The following SPATC1 variants were observed in gnomAD, a reference collection of about 807,000 sequenced individuals.
SPATC1 encodes speriolin.
SPATC1 carries 35 observed loss-of-function variants against 36.5 expected under a neutral mutation model. The ratio of observed to expected loss-of-function variants is 0.96; its 90% CI spans 0.73 to 1.27. SPATC1 has a LOEUF of 1.27. SPATC1 is among the 50% of genes most tolerant of loss of function. SPATC1 has a pLI of 0.00. For synonymous variants in SPATC1, 361 were observed against 353.6 expected (o/e 1.02, Z -0.24); for missense variants, 779 against 796.0 (o/e 0.98, Z 0.26).
intron 1 of SPATC1, among the ~76,000 whole-genome samples, chr8:144,023,251 T>C (rs1834587086): frequency 2.8e-3 from 2 of 712 alleles, no homozygotes; most frequent in Non-Finnish European, 2.6e-3. Flanking sequence ...CAGGACCTCT[T>C]CCCTGAGAAC....
intron 1 of SPATC1, among the ~76,000 whole-genome samples, chr8:144,035,357 G>A (rs1257624599): frequency 2.0e-5 from 3 of 152,192 alleles, no homozygotes; most frequent in African/African-American, 4.8e-5. Context: ...CCCAGCTCAC[G>A]GCAGCCACAC....
chr8:144,019,609 T>G (rs1157097230), intron 1 of SPATC1, among the ~76,000 whole-genome samples: 1 of 152,016 alleles, frequency 6.6e-6, no homozygotes, highest in African/African-American at 2.4e-5. Flanking sequence ...ATAGGGCTGT[T>G]GGAGTAGCTG....
intron 1 of SPATC1, among the ~76,000 whole-genome samples, chr8:144,038,810 T>G (rs1283726631): frequency 6.6e-6 from 1 of 152,180 alleles, no homozygotes; most frequent in East Asian, 1.9e-4. Flanking sequence ...TTTGTTGCCA[T>G]ACACCCTCCC....
At chr8:144,042,311 ATT>A (rs1184651892) in intron 4 of SPATC1, among the ~76,000 whole-genome samples, 548 of 23,614 alleles carry the variant, frequency 0.023, 2 homozygotes, top group Middle Eastern at 0.067. Context: ...ATATATATAT[ATT>A]TTTTTTTTTT....
At chr8:144,037,617 T>C (rs1554755022) in intron 1 of SPATC1, among the ~76,000 whole-genome samples, 1 of 151,918 alleles carries the variant, frequency 6.6e-6, no homozygotes, top group Non-Finnish European at 1.5e-5. Flanking sequence ...AGCATGCTCG[T>C]TAAGAGTCAT....
chr8:144,036,404 A>G (rs1834899175), intron 1 of SPATC1, among the ~76,000 whole-genome samples: 1 of 152,102 alleles, frequency 6.6e-6, no homozygotes, highest in East Asian at 1.9e-4. Flanking sequence ...GGCTCACCAC[A>G]GCCCCAACCT....
intron 4 of SPATC1, 67 bp downstream of exon 4, chr8:144,041,438 C>T (rs1453700695): frequency 8.3e-6 from 13 of 1,566,464 alleles, no homozygotes; most frequent in Non-Finnish European, 1.0e-5. Flanking sequence ...GGGGACCCTG[C>T]ACTCTGGCCA....
intron 4 of SPATC1, among the ~76,000 whole-genome samples, chr8:144,043,364 C>A (rs1835168792): frequency 6.6e-6 from 1 of 151,782 alleles, no homozygotes; most frequent in African/African-American, 2.4e-5. Context: ...TCACTGCAAC[C>A]TCCGTCTCCC....
chr8:144,039,956 G>C lies in SPATC1; in HGVS notation c.259G>C (p.Glu87Gln), dbSNP rs199507567. The C allele has an allele frequency of 6.2e-7, 1 of 1,613,876 alleles. No individual in the cohort carries two copies. The highest frequency in any genetic ancestry group is 1.1e-5 in the South Asian group (1 of 91,076). ...AGCAGTGGCAAACGAACGAGTCCTC[G>C]AAGAAGTGGGGATCATGGCCTTGGC... ...SPAVANERVL[E>Q]EVGIMALAPL... Residue 87 changes from glutamate to glutamine, a missense_variant, in exon 2 of 5, where the codon GAA becomes CAA. Transcript: ENST00000377470.
chr8:144,040,530 T>TC (rs1385891289), intron 2 of SPATC1, 38 bp from the exon 3 acceptor site: 6 of 1,561,186 alleles, frequency 3.8e-6, no homozygotes, highest in Non-Finnish European at 5.2e-6. Flanking sequence ...CTCACTCTAA[T>TC]CCCCCTTTTT....
chr8:144,021,429 ACCCTCTCCCCTCAAGACTGC>A (rs1834532432), intron 1 of SPATC1, among the ~76,000 whole-genome samples: 1 of 126,738 alleles, frequency 7.9e-6, no homozygotes, highest in Non-Finnish European at 1.7e-5. Flanking sequence ...CCACCTTAGA[ACCCTCTCCCCTCAAGACTGC>A]CTTCTCTCAG....
At chr8:144,027,543 C>CTAAGAGTTTTTAT (rs1834710288) in intron 1 of SPATC1, among the ~76,000 whole-genome samples, 4 of 152,156 alleles carry the variant, frequency 2.6e-5, no homozygotes, top group African/African-American at 9.7e-5. Flanking sequence ...TGCAGATTCA[C>CTAAGAGTTTTTAT]CCCAAGTTTT....
rs1554755722 is a variant in SPATC1 at position 144,040,624 on chromosome 8, G to A, written c.823G>A (p.Ala275Thr). The change falls in exon 3 of 5, where the codon GCG becomes ACG. Residue 275 changes from alanine (A) to threonine (T), a missense_variant. Ala to Thr is a moderately conservative substitution (Grantham distance 58). Transcript: ENST00000377470. ...CCAGGACCCAGAGCCTCTCAGCATGGCGTTTGCAGGAGCACCCCTCCAGAC... is the reference window on the plus strand; with the variant it reads ...CCAGGACCCAGAGCCTCTCAGCATGACGTTTGCAGGAGCACCCCTCCAGAC... ...STQDPEPLSMAFAGAPLQTST... is the reference protein window; with the variant it reads ...STQDPEPLSMTFAGAPLQTST... 6.2e-7 allele frequency: 1 copy of A among 1,611,948 alleles called. No homozygotes were observed. The highest frequency in any genetic ancestry group is 8.5e-7 in the Non-Finnish European group (1 of 1,179,090).
At chr8:144,015,297 C>T (rs913358740) in intron 1 of SPATC1, among the ~76,000 whole-genome samples, 16 of 151,628 alleles carry the variant, frequency 1.1e-4, no homozygotes, top group African/African-American at 2.9e-4. Flanking sequence ...GTAATCTGTC[C>T]GCCTCAGCCT....
At chr8:144,014,275 A>AAG (rs149864099) in intron 1 of SPATC1, among the ~76,000 whole-genome samples, 5,598 of 149,430 alleles carry the variant, frequency 0.037, 368 homozygotes, top group African/African-American at 0.13. Flanking sequence ...GAAAGAAAGA[A>AAG]AGAGAGAGAG....
intron 1 of SPATC1, among the ~76,000 whole-genome samples, chr8:144,039,570 GGAAAGGGCA>G (rs1554755308): frequency 6.6e-6 from 1 of 152,230 alleles, no homozygotes; most frequent in African/African-American, 2.4e-5. Flanking sequence ...GCACGGTTGA[GGAAAGGGCA>G]GCGGGACGTC....
Position 144,040,009 on chromosome 8 carries a change from G to A in SPATC1, c.312G>A (p.Leu104=), listed in dbSNP as rs1554755397. The change falls in exon 2 of 5, where the codon TTG becomes TTA. Residue 104 remains leucine, a synonymous_variant. Transcript: ENST00000377470. ...LAPLAEMLTS[L]QPSATPGSLM... ...CCCTGGCCGAGATGCTAACCAGCTT[G>A]CAGCCCAGCGCCACACCGGGCTCAC... The A allele has an allele frequency of 3.1e-6, 5 of 1,613,852 alleles. No individual in the cohort carries two copies. The South Asian group carries it at 4.4e-5, about 14-fold the overall frequency.
At chr8:144,030,683 A>C (rs1226627478) in intron 1 of SPATC1, among the ~76,000 whole-genome samples, 2 of 151,904 alleles carry the variant, frequency 1.3e-5, no homozygotes, top group Non-Finnish European at 2.9e-5. Flanking sequence ...TGCATGTCTT[A>C]TGTCTTTTTT....
chr8:144,040,952 A>G lies in SPATC1; in HGVS notation c.1151A>G (p.His384Arg), dbSNP rs1314590864. 6.2e-7 allele frequency: 1 copy of G among 1,604,048 alleles called. No individual in the cohort carries two copies. The highest frequency in any genetic ancestry group is 1.7e-5 in the Admixed American group (1 of 59,006). ...CTGCCTGTCCCCCACTGTCCTCCAC[A>G]CAACGCCCACTCCCCACCTCGTACC... ...QNLPVPHCPP[H>R]NAHSPPRTSS... The change falls in exon 3 of 5, where the codon CAC becomes CGC. Residue 384 changes from histidine to arginine, a missense_variant. Coordinates refer to ENST00000377470, the MANE Select transcript of SPATC1 (RefSeq NM_198572.3).
Sources: allele counts gnomAD v4.1 joint callset (sites outside exome capture counted in the v4.1 genomes callset), GRCh38; gene constraint gnomAD v4.1.1; transcripts MANE v1.5; gene names NCBI Gene and HGNC (gene_info 2026-07-23, HGNC 2026-07-21).